The following TUSC3 variants were observed in gnomAD, a reference collection of about 807,000 sequenced individuals.
TUSC3 encodes tumor suppressor candidate 3.
In TUSC3, 45 loss-of-function variants were observed where a neutral mutation model predicts 44.8. The ratio of observed to expected loss-of-function variants is 1.00; its 90% CI spans 0.79 to 1.29. The LOEUF is 1.29. Ranked by LOEUF, TUSC3 falls within the 50% of genes most tolerant of loss-of-function variation. The probability of loss-of-function intolerance (pLI) is 0.00; values close to 1 mark genes in which losing one functional copy is unlikely to be tolerated. For missense variants in TUSC3, 519 were observed against 437.9 expected (o/e 1.19, Z -1.65); for synonymous variants, 212 against 152.9 (o/e 1.39, Z -2.85).
chr8:15,810,625 A>C, the TUSC3 span, among the ~76,000 whole-genome samples: 16 of 152,002 alleles, frequency 1.1e-4, no homozygotes, highest in African/African-American at 3.9e-4. Context: ...GTAACAGAGC[A>C]AGATCCTATC....
intron 1 of TUSC3, among the ~76,000 whole-genome samples, chr8:15,621,162 AAT>A (rs938562066): frequency 6.6e-6 from 1 of 151,980 alleles, no homozygotes; most frequent in African/African-American, 2.4e-5. Context: ...ATACTTAAAA[AAT>A]AAATATTTAT....
downstream of TUSC3, among the ~76,000 whole-genome samples, chr8:15,771,099 C>T (rs534869107): frequency 1.3e-5 from 2 of 152,244 alleles, no homozygotes; most frequent in African/African-American, 2.4e-5. Flanking sequence ...GGCAGAAAGG[C>T]ATTTTACAGT....
intron 8 of TUSC3, among the ~76,000 whole-genome samples, chr8:15,747,434 ATATTTAAATAAATTT>A (rs1313753473): frequency 1.3e-5 from 2 of 150,352 alleles, no homozygotes; most frequent in African/African-American, 2.4e-5. Flanking sequence ...TTCTACTTAT[ATATTTAAATAAATTT>A]TATTTAAATA....
At chr8:15,556,275 A>C (rs373550421) in intron 1 of TUSC3, among the ~76,000 whole-genome samples, 1 of 142,644 alleles carries the variant, frequency 7.0e-6, no homozygotes, top group African/African-American at 2.6e-5. Flanking sequence ...TTTGTTCTTG[A>C]GATAGTTTAC....
At chr8:15,531,215 C>T (rs907687878) in intron 2 of TUSC3, among the ~76,000 whole-genome samples, 2 of 152,190 alleles carry the variant, frequency 1.3e-5, no homozygotes, top group Non-Finnish European at 2.9e-5. Context: ...CCTGCCTGGG[C>T]CTCTCCCAGG....
Position 15,492,616 on chromosome 8 carries a change from C to G in TUSC3, n.189+9133C>G, listed in dbSNP as rs546298628. Among the ~76,000 whole-genome samples the G allele has an allele frequency of 7.3e-5, 11 of 150,858 alleles. No individual in the cohort carries two copies. The East Asian group carries it at 1.8e-3, about 25-fold the overall frequency. On this transcript the variant is annotated intron_variant and non_coding_transcript_variant, in intron 2 of 5. Coordinates refer to the TUSC3 transcript ENST00000503191. ...GACTTGGTGACCACTCAGATAACTT[C>G]AGACACAAATTAAATAATTTTTAAA...
chr8:15,727,081 A>G (rs1451583197), intron 6 of TUSC3, among the ~76,000 whole-genome samples: 1 of 152,162 alleles, frequency 6.6e-6, no homozygotes, highest in Non-Finnish European at 1.5e-5. Context: ...ATAAATGAAC[A>G]TCATGCTTTA....
chr8:15,431,793 T>A (rs1326259194), intron 1 of TUSC3, among the ~76,000 whole-genome samples: 2 of 151,990 alleles, frequency 1.3e-5, no homozygotes, highest in Non-Finnish European at 2.9e-5. Flanking sequence ...TTATGTTAGC[T>A]GTGGGCTTGT....
chr8:15,573,491 G>C (rs957720811), intron 1 of TUSC3, among the ~76,000 whole-genome samples: 2 of 151,860 alleles, frequency 1.3e-5, no homozygotes, highest in African/African-American at 2.4e-5. Context: ...TTATATTTCA[G>C]AGCACAGTAG....
rs1222343135 is a variant in TUSC3 at position 15,540,670 on chromosome 8, G to C, written c.138+102G>C. 1.3e-5 allele frequency: 19 copies of C among 1,418,358 alleles called. No homozygotes were observed. In the East Asian group the frequency reaches 5.1e-4, roughly 38 times the overall value. The allele number at this position is 1,418,358 out of a possible 1,614,324, so 87.9% of individuals were successfully genotyped here. A position where few individuals can be genotyped will look rare whatever the true frequency, so the allele number is the denominator to read the frequency against. Reference sequence around the variant, plus strand: ...GTGTTGCTAGGCAGCCTGGTCGCCGGCGTGGGCGATGCCGGCGCTGGGGCG... The same window carrying C: ...GTGTTGCTAGGCAGCCTGGTCGCCGCCGTGGGCGATGCCGGCGCTGGGGCG... On this transcript the variant is annotated intron_variant, in intron 1 of 10. Coordinates refer to ENST00000503731, the MANE Select transcript of TUSC3 (RefSeq NM_006765.4).
chr8:15,705,417 A>G (rs1289203572), intron 6 of TUSC3, among the ~76,000 whole-genome samples: 2 of 152,260 alleles, frequency 1.3e-5, no homozygotes, highest in East Asian at 1.9e-4. Context: ...CAGAATGAAT[A>G]TAGTATTCTA....
chr8:15,599,633 G>A (rs1429314173), intron 1 of TUSC3, among the ~76,000 whole-genome samples: 2 of 150,218 alleles, frequency 1.3e-5, no homozygotes, highest in Non-Finnish European at 3.0e-5. Context: ...TCATTTTTTT[G>A]CATGTAGATA....
intron 1 of TUSC3, among the ~76,000 whole-genome samples, chr8:15,582,022 T>C (rs1298257736): frequency 5.3e-5 from 8 of 152,012 alleles, no homozygotes; most frequent in Admixed American, 4.6e-4. Context: ...TGCGCCGCTT[T>C]TTAAGCCGGT....
the TUSC3 span, among the ~76,000 whole-genome samples, chr8:15,829,483 T>C: frequency 2.0e-5 from 3 of 152,166 alleles, no homozygotes; most frequent in Non-Finnish European, 2.9e-5. Context: ...AGCAGTTTCG[T>C]TGCATTACTC....
the TUSC3 span, among the ~76,000 whole-genome samples, chr8:15,817,853 G>T: frequency 1.3e-5 from 2 of 152,112 alleles, no homozygotes; most frequent in African/African-American, 2.4e-5. Context: ...ATGCTTCTAA[G>T]GAACTCCACC....
chr8:15,757,611 A>G (rs1017806338), intron 9 of TUSC3, among the ~76,000 whole-genome samples, 180 bp from the exon 10 acceptor site: 1 of 152,228 alleles, frequency 6.6e-6, no homozygotes, highest in African/African-American at 2.4e-5. Flanking sequence ...TAAAGGTCCA[A>G]GGATTTAGAG....
chr8:15,682,679 A>G (rs557311247), intron 6 of TUSC3, among the ~76,000 whole-genome samples: 6 of 152,028 alleles, frequency 3.9e-5, no homozygotes, highest in Non-Finnish European at 7.4e-5. Flanking sequence ...TTTTCTTCCT[A>G]TCGTGGTGGT....
At chr8:15,516,404 G>A (rs1451400950) in intron 2 of TUSC3, among the ~76,000 whole-genome samples, 1 of 151,910 alleles carries the variant, frequency 6.6e-6, no homozygotes, top group Admixed American at 6.6e-5. Flanking sequence ...ATTACTTCAG[G>A]GCGTTATTCA....
intron 6 of TUSC3, among the ~76,000 whole-genome samples, chr8:15,719,476 A>G (rs1810205845): frequency 6.7e-6 from 1 of 149,972 alleles, no homozygotes; most frequent in African/African-American, 2.5e-5. Context: ...AGCACTTTGC[A>G]CTTATAGTAT....
Sources: gnomAD v4.1 joint callset for allele counts (sites outside exome capture counted in the v4.1 genomes callset) on GRCh38, gnomAD v4.1.1 for gene constraint, MANE v1.5 for transcripts, NCBI Gene and HGNC (gene_info 2026-07-23, HGNC 2026-07-21) for gene names.